ITGA8: variants seen among roughly 807,000 people sequenced by gnomAD.
ITGA8 encodes integrin alpha-8.
In ITGA8, 91 loss-of-function variants were observed where a neutral mutation model predicts 142.3. The ratio of observed to expected loss-of-function variants is 0.64; its 90% CI spans 0.54 to 0.76. ITGA8 has a LOEUF of 0.76. Among genes scored for constraint, ITGA8 ranks in the 30% least tolerant of loss-of-function variants. The pLI is 0.00. For missense variants in ITGA8, 1,406 were observed against 1,327.7 expected (o/e 1.06, Z -0.92); for synonymous variants, 505 against 485.2 (o/e 1.04, Z -0.54).
At chr10:15,562,750 G>A (rs1373716228) in intron 25 of ITGA8, among the ~76,000 whole-genome samples, 1 of 152,216 alleles carries the variant, frequency 6.6e-6, no homozygotes, top group African/African-American at 2.4e-5. Flanking sequence ...CGGAGGGTAG[G>A]CCTTGGATAG....
intron 1 of ITGA8, 49 bp downstream of exon 1, chr10:15,719,514 C>T (rs1223160096): frequency 4.1e-6 from 6 of 1,473,140 alleles, no homozygotes; most frequent in Admixed American, 2.7e-5. Context: ...GGACCTGACC[C>T]GGGAGCGCCT....
chr10:15,718,986 C>T, intron 1 of ITGA8, 87 bp from the exon 2 acceptor site: 1 of 1,579,014 alleles, frequency 6.3e-7, no homozygotes. Flanking sequence ...TGCCCGGGGA[C>T]ACTGGGGCAG....
chr10:15,707,993 CA>C (rs1349502186), intron 2 of ITGA8, among the ~76,000 whole-genome samples: 3 of 148,314 alleles, frequency 2.0e-5, no homozygotes, highest in Admixed American at 1.4e-4. Context: ...CACACACACA[CA>C]CACCATTCTC....
chr10:15,591,966 A>C (rs1832930884), intron 22 of ITGA8, among the ~76,000 whole-genome samples: 1 of 152,214 alleles, frequency 6.6e-6, no homozygotes, highest in Non-Finnish European at 1.5e-5. Context: ...GTGGAAGTAA[A>C]GCAGGTGGGA....
intron 13 of ITGA8, among the ~76,000 whole-genome samples, chr10:15,634,670 C>T (rs180699400): frequency 1.4e-4 from 21 of 152,296 alleles, no homozygotes; most frequent in Admixed American, 2.6e-4. Flanking sequence ...ATAATCAGCA[C>T]ATATTCTACC....
intron 2 of ITGA8, among the ~76,000 whole-genome samples, chr10:15,715,752 C>G (rs76959096): frequency 7.6e-4 from 116 of 152,360 alleles, no homozygotes; most frequent in African/African-American, 2.7e-3. Flanking sequence ...ACTTTGTCCA[C>G]GAAGTGGATG....
chr10:15,560,606 C>G (rs1358043044), intron 25 of ITGA8, among the ~76,000 whole-genome samples: 2 of 152,120 alleles, frequency 1.3e-5, no homozygotes, highest in Non-Finnish European at 1.5e-5. Context: ...AAGTTATGAT[C>G]TATTTATACA....
intron 6 of ITGA8, 31 bp from the exon 7 acceptor site, chr10:15,672,780 A>T (rs779202621): frequency 4.8e-5 from 74 of 1,549,912 alleles, no homozygotes; most frequent in Non-Finnish European, 6.1e-5. Context: ...ACGTTAACTG[A>T]ATGAAAGCAA....
Position 15,558,154 on chromosome 10 carries a change from T to C in ITGA8, c.2686A>G (p.Asn896Asp), listed in dbSNP as rs754889447. Residue 896 changes from asparagine (N) to aspartate (D), a missense_variant, in exon 26 of 30, where the codon AAC becomes GAC. Transcript: ENST00000378076. ...CTGACAAGATGAGGAATAGTAGAGT[T>C]TCGCAAAAAGGCGCTGAGCTCAGGG... ...DTPELSAFLRNSTIPHLVRKR... is the reference protein window; with the variant it reads ...DTPELSAFLRDSTIPHLVRKR... 6.2e-7 allele frequency: 1 copy of C among 1,614,170 alleles called. No individual in the cohort carries two copies. The highest frequency in any genetic ancestry group is 8.5e-7 in the Non-Finnish European group (1 of 1,180,034).
chr10:15,594,202 GA>G (rs1832976117), intron 21 of ITGA8, among the ~76,000 whole-genome samples: 1 of 151,894 alleles, frequency 6.6e-6, no homozygotes, highest in Non-Finnish European at 1.5e-5. Context: ...CTCCTTTTTA[GA>G]AGCCTTTTAG....
intron 28 of ITGA8, among the ~76,000 whole-genome samples, chr10:15,523,382 T>C (rs771947730): frequency 6.6e-6 from 1 of 152,196 alleles, no homozygotes; most frequent in Non-Finnish European, 1.5e-5. Flanking sequence ...ATATGATTCT[T>C]AGGGTCTTTT....
chr10:15,616,648 C>G (rs1490964421), intron 13 of ITGA8, 89 bp from the exon 14 acceptor site: 3 of 1,046,066 alleles, frequency 2.9e-6, no homozygotes, highest in African/African-American at 3.1e-5. Flanking sequence ...ATAGAATACC[C>G]CTACATGCTG....
At chr10:15,574,453 C>T (rs1455300926) in intron 24 of ITGA8, among the ~76,000 whole-genome samples, 4 of 152,134 alleles carry the variant, frequency 2.6e-5, no homozygotes, top group Non-Finnish European at 4.4e-5. Context: ...TGCGGTGGCA[C>T]GATCTCGGCT....
intron 14 of ITGA8, 36 bp from the exon 15 acceptor site, chr10:15,613,803 A>G (rs757669283): frequency 7.5e-6 from 11 of 1,462,248 alleles, no homozygotes; most frequent in Non-Finnish European, 1.1e-5. Context: ...TTTAAATAAA[A>G]CACAAGGGTG....
intron 6 of ITGA8, among the ~76,000 whole-genome samples, chr10:15,673,711 G>A (rs544541340): frequency 6.6e-6 from 1 of 152,282 alleles, no homozygotes; most frequent in South Asian, 2.1e-4. Context: ...CTAAAATATA[G>A]AGAGAGCATA....
chr10:15,663,004 A>G (rs1326998185), intron 8 of ITGA8, among the ~76,000 whole-genome samples: 2 of 152,220 alleles, frequency 1.3e-5, no homozygotes, highest in South Asian at 2.1e-4. Flanking sequence ...AAGAAAAATT[A>G]TACACAATTA....
At chr10:15,653,385 C>G (rs552164776) in intron 11 of ITGA8, among the ~76,000 whole-genome samples, 254 of 152,246 alleles carry the variant, frequency 1.7e-3, no homozygotes, top group Admixed American at 2.8e-3. Flanking sequence ...AGATTCAAAG[C>G]AAATTTGAGC....
At chr10:15,718,639 G>T in intron 2 of ITGA8, 127 bp downstream of exon 2, 2 of 1,184,766 alleles carry the variant, frequency 1.7e-6, no homozygotes, top group Non-Finnish European at 1.2e-6. Flanking sequence ...GACCCACATA[G>T]CCCACAATAC....
intron 15 of ITGA8, among the ~76,000 whole-genome samples, chr10:15,611,993 T>TA (rs1417326856): frequency 6.6e-6 from 1 of 152,192 alleles, no homozygotes; most frequent in Non-Finnish European, 1.5e-5. Context: ...TTGGGGGAAA[T>TA]ACTGAAGTTT....
Sources: gnomAD v4.1 joint callset for allele counts (sites outside exome capture counted in the v4.1 genomes callset) on GRCh38, gnomAD v4.1.1 for gene constraint, MANE v1.5 for transcripts, NCBI Gene and HGNC (gene_info 2026-07-23, HGNC 2026-07-21) for gene names.